CNGB3: variants seen among roughly 807,000 people sequenced by gnomAD.
CNGB3 encodes cyclic nucleotide gated channel subunit beta 3, also known as cyclic nucleotide-gated channel beta-3.
A neutral mutation model predicts 92.8 loss-of-function variants in CNGB3; 86 were observed. That is an observed-to-expected ratio of 0.93 (90% CI 0.78 to 1.11). The LOEUF is 1.11. CNGB3 is among the 50% of genes least tolerant of loss of function. CNGB3 has a pLI of 0.00. For missense variants in CNGB3, 1,026 were observed against 956.8 expected (o/e 1.07, Z -0.95); for synonymous variants, 333 against 332.7 (o/e 1.00, Z -0.01).
At chr8:86,623,170 C>T (rs1822775294) in intron 13 of CNGB3, among the ~76,000 whole-genome samples, 1 of 152,142 alleles carries the variant, frequency 6.6e-6, no homozygotes, top group Non-Finnish European at 1.5e-5. Context: ...GCTTGAAATA[C>T]ACCAATATGC....
chr8:86,637,981 A>G (rs1823106170), intron 10 of CNGB3, among the ~76,000 whole-genome samples: 1 of 152,144 alleles, frequency 6.6e-6, no homozygotes, highest in African/African-American at 2.4e-5. Context: ...ATCGTACAGT[A>G]TATATGCTTC....
chr8:86,732,004 C>G (rs10447974), intron 2 of CNGB3, among the ~76,000 whole-genome samples: 33 of 151,872 alleles, frequency 2.2e-4, no homozygotes, highest in Non-Finnish European at 4.3e-4. Flanking sequence ...AGAAAGAAGC[C>G]TAAAAGCACA....
At chr8:86,705,483 T>C (rs1824636405) in intron 3 of CNGB3, among the ~76,000 whole-genome samples, 1 of 152,050 alleles carries the variant, frequency 6.6e-6, no homozygotes, top group African/African-American at 2.4e-5. Flanking sequence ...GCAAAAGGAA[T>C]GTTGCAGGTT....
chr8:86,576,655 C>T (rs1457198774), intron 17 of CNGB3, among the ~76,000 whole-genome samples: 2 of 152,024 alleles, frequency 1.3e-5, no homozygotes, highest in Non-Finnish European at 1.5e-5. Context: ...ATGTTTGTAC[C>T]TATCGTGTTT....
chr8:86,661,594 C>T lies in CNGB3; in HGVS notation c.852+5331G>A. 2.6e-6 allele frequency: 2 copies of T among 771,370 alleles called. 1 individual carries two copies. Among genetic ancestry groups the T allele is most frequent in the South Asian group, 2.8e-5 (2 of 72,282 alleles). 47.8% of individuals were successfully genotyped at this position (771,370 alleles called of 1,614,324 possible). A position where few individuals can be genotyped will look rare whatever the true frequency, so the allele number is the denominator to read the frequency against. On this transcript the variant is annotated intron_variant, in intron 6 of 17. Transcript: ENST00000320005. ...AATTTTCTTTTTCAATTCCTTCATC[C>T]TCCAACTTTTTCCCACTAATAAGTT...
At chr8:86,703,574 A>C (rs1416290370) in intron 3 of CNGB3, among the ~76,000 whole-genome samples, 1 of 152,146 alleles carries the variant, frequency 6.6e-6, no homozygotes, top group African/African-American at 2.4e-5. Flanking sequence ...TGGGTGTTAA[A>C]CGACACTGTT....
At chr8:86,723,381 G>A (rs1268984225) in intron 3 of CNGB3, among the ~76,000 whole-genome samples, 1 of 152,032 alleles carries the variant, frequency 6.6e-6, no homozygotes, top group Admixed American at 6.6e-5. Context: ...TTTTTTTCTA[G>A]GAGAAAGAGC....
intron 4 of CNGB3, among the ~76,000 whole-genome samples, chr8:86,669,322 A>T (rs1823811658): frequency 6.6e-6 from 1 of 152,248 alleles, no homozygotes. Flanking sequence ...ATACAATAAA[A>T]ACAAAATAAA....
chr8:86,620,373 C>T (rs1401353018), intron 13 of CNGB3, among the ~76,000 whole-genome samples: 1 of 152,118 alleles, frequency 6.6e-6, no homozygotes, highest in East Asian at 1.9e-4. Context: ...TCTGTGGCCT[C>T]TCTGCTTGGC....
chr8:86,729,094 C>T (rs1379981550), intron 2 of CNGB3, among the ~76,000 whole-genome samples: 5 of 151,968 alleles, frequency 3.3e-5, no homozygotes, highest in Middle Eastern at 3.4e-3. Context: ...TATTTTTTGT[C>T]GAGATGGGGT....
intron 6 of CNGB3, among the ~76,000 whole-genome samples, chr8:86,655,253 T>G (rs1823482274): frequency 6.6e-6 from 1 of 152,206 alleles, no homozygotes; most frequent in Non-Finnish European, 1.5e-5. Flanking sequence ...CATTCTACAG[T>G]GGCCGCCAGA....
At chr8:86,718,705 G>A (rs1824910461) in intron 3 of CNGB3, among the ~76,000 whole-genome samples, 1 of 151,954 alleles carries the variant, frequency 6.6e-6, no homozygotes, top group African/African-American at 2.4e-5. Flanking sequence ...ACCAGGGAAG[G>A]ACATAAAAAT....
At position 86,684,903 on chromosome 8, in the gene CNGB3, TGGG is replaced by T. The variant is rs1460480607; in HGVS notation, c.339-13808_339-13806del. Among the ~76,000 whole-genome samples, 5 of 152,070 alleles carry T rather than the reference TGGG, an allele frequency of 3.3e-5. No homozygotes were observed. In the South Asian group the frequency reaches 1.0e-3, roughly 32 times the overall value. On this transcript the variant is annotated intron_variant, in intron 3 of 17. Coordinates refer to ENST00000320005, the MANE Select transcript of CNGB3 (RefSeq NM_019098.5). ...ATGGAATTTTGTATTTTGACTGTGG[TGGG>T]GGGATACATGAGCTTGCACATGTAA...
At chr8:86,689,681 A>T (rs938666962) in intron 3 of CNGB3, among the ~76,000 whole-genome samples, 1 of 151,972 alleles carries the variant, frequency 6.6e-6, no homozygotes, top group Non-Finnish European at 1.5e-5. Context: ...CACTTATATT[A>T]GGTATATCTC....
chr8:86,596,780 T>A (rs1822180102), intron 15 of CNGB3, among the ~76,000 whole-genome samples: 1 of 152,156 alleles, frequency 6.6e-6, no homozygotes, highest in African/African-American at 2.4e-5. Context: ...TCAAACCAAA[T>A]GTCCATCAAT....
chr8:86,667,897 T>C (rs1310622467), intron 5 of CNGB3, 122 bp downstream of exon 5: 18 of 1,079,068 alleles, frequency 1.7e-5, no homozygotes, highest in Non-Finnish European at 2.6e-5. Flanking sequence ...ATTTAAATTC[T>C]GCTTCCTAGT....
intron 6 of CNGB3, chr8:86,658,291 C>A: frequency 2.0e-6 from 1 of 512,696 alleles, no homozygotes; most frequent in East Asian, 4.3e-5. Flanking sequence ...ACCATGGCCT[C>A]CCGACTCTCC....
chr8:86,616,266 T>G (rs1170048380), intron 13 of CNGB3, among the ~76,000 whole-genome samples: 1 of 152,170 alleles, frequency 6.6e-6, no homozygotes, highest in Non-Finnish European at 1.5e-5. Context: ...TAGTAAAAAC[T>G]TAGAATTTAA....
chr8:86,716,513 G>A (rs1459714893), intron 3 of CNGB3, among the ~76,000 whole-genome samples: 1 of 152,194 alleles, frequency 6.6e-6, no homozygotes, highest in African/African-American at 2.4e-5. Flanking sequence ...TAGAGTAACA[G>A]CAGATTTCTC....
Sources: gnomAD v4.1 joint callset for allele counts (sites outside exome capture counted in the v4.1 genomes callset) on GRCh38, gnomAD v4.1.1 for gene constraint, MANE v1.5 for transcripts, NCBI Gene and HGNC (gene_info 2026-07-23, HGNC 2026-07-21) for gene names.